IFT43: variants seen among roughly 807,000 people sequenced by gnomAD.
The protein encoded by IFT43 is intraflagellar transport 43, also known as intraflagellar transport protein 43 homolog.
In IFT43, 33 loss-of-function variants were observed where a neutral mutation model predicts 32.3. That is an observed-to-expected ratio of 1.02 (90% CI 0.77 to 1.37). The LOEUF (loss-of-function observed/expected upper bound fraction) is 1.37, where lower values mean the gene tolerates loss of function less well. Among genes scored for constraint, IFT43 ranks in the 40% most tolerant of loss-of-function variants. The pLI is 0.00. For synonymous variants in IFT43, 93 were observed against 98.2 expected, an observed-to-expected ratio of 0.95 and a Z score of 0.31; for missense variants, 274 against 265.9, an observed-to-expected ratio of 1.03 and a Z score of -0.21.
intron 3 of IFT43, among the ~76,000 whole-genome samples, chr14:76,053,584 C>A (rs187701402): frequency 3.3e-5 from 5 of 152,300 alleles, no homozygotes; most frequent in African/African-American, 1.2e-4. Flanking sequence ...CATCAGCCCG[C>A]CGTGATGTGG....
intron 5 of IFT43, among the ~76,000 whole-genome samples, chr14:76,077,760 A>G (rs2037436450): frequency 6.6e-6 from 1 of 152,200 alleles, no homozygotes; most frequent in African/African-American, 2.4e-5. Flanking sequence ...GATCTGGCAT[A>G]GCCCAACCAC....
intron 2 of IFT43, among the ~76,000 whole-genome samples, chr14:76,017,975 TTTTG>T (rs1670490903): frequency 6.6e-6 from 1 of 152,076 alleles, no homozygotes; most frequent in Non-Finnish European, 1.5e-5. Flanking sequence ...AGTTTACTAA[TTTTG>T]TTTATCTTTT....
intron 3 of IFT43, among the ~76,000 whole-genome samples, chr14:76,042,897 C>A (rs571824292): frequency 2.6e-5 from 4 of 152,198 alleles, no homozygotes; most frequent in Non-Finnish European, 5.9e-5. Context: ...CATGTTAAAT[C>A]GGGTTAGGTT....
chr14:76,028,347 C>G (rs539598805), intron 3 of IFT43, among the ~76,000 whole-genome samples: 1 of 152,304 alleles, frequency 6.6e-6, no homozygotes, highest in East Asian at 1.9e-4. Flanking sequence ...TTTTAACTCT[C>G]TAATTCTACC....
At chr14:76,081,982 T>C (rs2037518001) in intron 5 of IFT43, among the ~76,000 whole-genome samples, 1 of 152,220 alleles carries the variant, frequency 6.6e-6, no homozygotes. Flanking sequence ...ACATTTCTCC[T>C]TGGAGATCCA....
intron 2 of IFT43, among the ~76,000 whole-genome samples, chr14:75,996,767 G>A (rs925368773): frequency 3.3e-5 from 5 of 152,236 alleles, no homozygotes; most frequent in African/African-American, 1.2e-4. Context: ...ATATCATTTT[G>A]TTGTTCTGGG....
At chr14:76,038,728 T>C (rs747306356) in intron 3 of IFT43, among the ~76,000 whole-genome samples, 1 of 152,224 alleles carries the variant, frequency 6.6e-6, no homozygotes, top group Non-Finnish European at 1.5e-5. Flanking sequence ...TTATCCCCAT[T>C]GAAGTAGGGA....
At chr14:76,045,241 T>G (rs1350425253) in intron 3 of IFT43, among the ~76,000 whole-genome samples, 1 of 152,238 alleles carries the variant, frequency 6.6e-6, no homozygotes, top group Non-Finnish European at 1.5e-5. Context: ...CTCATCTTTT[T>G]CCCCTGGGTT....
At chr14:76,059,748 G>T in intron 5 of IFT43, 1 of 332,940 alleles carries the variant, frequency 3.0e-6, no homozygotes, top group Non-Finnish European at 5.8e-6. Context: ...TATATCCCAA[G>T]CACTGTCCTT....
intron 2 of IFT43, among the ~76,000 whole-genome samples, chr14:75,990,110 A>G (rs1184353666): frequency 6.6e-6 from 1 of 152,230 alleles, no homozygotes; most frequent in Non-Finnish European, 1.5e-5. Flanking sequence ...GGAGTGAGTT[A>G]GGGCAGGGGG....
At chr14:76,079,326 A>G (rs1054814355) in intron 5 of IFT43, among the ~76,000 whole-genome samples, 6 of 152,260 alleles carry the variant, frequency 3.9e-5, no homozygotes, top group East Asian at 1.9e-4. Context: ...ATGTAATATT[A>G]TAATATCGGT....
intron 5 of IFT43, among the ~76,000 whole-genome samples, chr14:76,071,575 G>A (rs1438334608): frequency 6.6e-6 from 1 of 152,142 alleles, no homozygotes; most frequent in East Asian, 1.9e-4. Context: ...ACTGATTTCA[G>A]AGGTGGGAAG....
intron 3 of IFT43, among the ~76,000 whole-genome samples, chr14:76,028,006 G>A (rs2036436295): frequency 6.6e-6 from 1 of 151,892 alleles, no homozygotes; most frequent in African/African-American, 2.4e-5. Flanking sequence ...GTTGTAGAAT[G>A]TCTCACATTC....
At chr14:76,068,949 A>G (rs952657795) in intron 5 of IFT43, among the ~76,000 whole-genome samples, 2 of 152,230 alleles carry the variant, frequency 1.3e-5, no homozygotes, top group Non-Finnish European at 2.9e-5. Context: ...GCTTAAACAA[A>G]TAGTCACACA....
intron 3 of IFT43, among the ~76,000 whole-genome samples, chr14:76,033,226 T>C (rs1293429980): frequency 1.3e-5 from 2 of 151,846 alleles, no homozygotes; most frequent in African/African-American, 2.4e-5. Context: ...TAGGATACTA[T>C]GAAAAAAGGA....
At chr14:76,014,928 C>A (rs1248621762) in intron 2 of IFT43, among the ~76,000 whole-genome samples, 1 of 152,160 alleles carries the variant, frequency 6.6e-6, no homozygotes, top group Non-Finnish European at 1.5e-5. Flanking sequence ...CCATTGTGGC[C>A]TTTTGAGTTT....
At chr14:76,064,947 T>C (rs1421812294) in intron 5 of IFT43, among the ~76,000 whole-genome samples, 1 of 152,186 alleles carries the variant, frequency 6.6e-6, no homozygotes, top group East Asian at 1.9e-4. Flanking sequence ...AAATACTAAA[T>C]TTCAAGGAGT....
rs947079787 is a variant in IFT43 at position 75,986,173 on chromosome 14, G to C, written c.54+333G>C. 7.5e-6 allele frequency: 10 copies of C among 1,332,870 alleles called. No individual in the cohort carries two copies. In the East Asian group the frequency reaches 4.6e-4, roughly 62 times the overall value. 82.6% of individuals were successfully genotyped at this position (1,332,870 alleles called of 1,614,324 possible). A position where few individuals can be genotyped will look rare whatever the true frequency, so the allele number is the denominator to read the frequency against. On this transcript the variant is annotated intron_variant, in intron 1 of 8. Transcript: ENST00000314067. ...AGAACAGATCGATCACAGGGTGATA[G>C]GGGAGCCCCGGCCGGGGTCGCACTC...
At chr14:75,999,832 G>T (rs1406738896) in intron 2 of IFT43, among the ~76,000 whole-genome samples, 1 of 152,254 alleles carries the variant, frequency 6.6e-6, no homozygotes, top group Non-Finnish European at 1.5e-5. Flanking sequence ...GGGAACATAG[G>T]CCTGGCATTC....
Sources: gnomAD v4.1 joint callset for allele counts (sites outside exome capture counted in the v4.1 genomes callset) on GRCh38, gnomAD v4.1.1 for gene constraint, MANE v1.5 for transcripts, NCBI Gene and HGNC (gene_info 2026-07-23, HGNC 2026-07-21) for gene names.